Variants in DAB1 observed in about 807,000 individuals in gnomAD.
The protein encoded by DAB1 is DAB adaptor protein 1.
Under a neutral mutation model 64.6 loss-of-function variants are expected in DAB1, and 15 were observed. That is an observed-to-expected ratio of 0.23 (90% CI 0.16 to 0.36). The LOEUF (loss-of-function observed/expected upper bound fraction) is 0.36, where lower values mean the gene tolerates loss of function less well. DAB1 is among the 10% of genes least tolerant of loss of function. The probability of loss-of-function intolerance (pLI) is 1.00; values close to 1 mark genes in which losing one functional copy is unlikely to be tolerated. For synonymous variants in DAB1, 235 were observed against 251.9 expected (o/e 0.93, Z 0.64); for missense variants, 596 against 706.7 (o/e 0.84, Z 1.78).
chr1:57,090,170 G>A lies in DAB1; in HGVS notation c.307-17756C>T, dbSNP rs141628458. On this transcript the variant is annotated intron_variant, in intron 4 of 14. Transcript: ENST00000371236. ...AAATGAATAATAGGAAGTCTTCAGA[G>A]TGAAGCTTATCAAAGAGATGTGCTA... is the stretch of plus-strand genomic sequence containing the variant. 7.0e-4 allele frequency among the ~76,000 whole-genome samples: 106 copies of A among 152,306 alleles called. No individual in the cohort carries two copies. The East Asian group carries it at 0.017, about 24-fold the overall frequency.
At chr1:58,220,950 T>C (rs1659134286) in intron 4 of DAB1, among the ~76,000 whole-genome samples, 1 of 151,666 alleles carries the variant, frequency 6.6e-6, no homozygotes. Flanking sequence ...GGCATTATCA[T>C]TGTGATCATT....
At chr1:57,185,920 T>C (rs111933111) in intron 2 of DAB1, among the ~76,000 whole-genome samples, 2,611 of 151,998 alleles carry the variant, frequency 0.017, 90 homozygotes, top group African/African-American at 0.059. Flanking sequence ...AGCAGAACCG[T>C]GGACAATTTT....
At chr1:58,218,741 G>C (rs1658986476) in intron 4 of DAB1, among the ~76,000 whole-genome samples, 1 of 152,108 alleles carries the variant, frequency 6.6e-6, no homozygotes. Flanking sequence ...AATGCTCAAT[G>C]ACCACAACCT....
At chr1:57,013,898 C>A (rs1646340653) in intron 12 of DAB1, among the ~76,000 whole-genome samples, 1 of 152,170 alleles carries the variant, frequency 6.6e-6, no homozygotes, top group South Asian at 2.1e-4. Context: ...AAAGCTGGAA[C>A]TAGAAGGATG....
Position 58,488,605 on chromosome 1 carries a change from C to T in DAB1, n.257+17455G>A, listed in dbSNP as rs569569134. ...TAGCTGGGATTACAGGCATGAGCCACCATGTCTCGCTAATTTTTGTATTTT... is the reference window on the plus strand; with the variant it reads ...TAGCTGGGATTACAGGCATGAGCCATCATGTCTCGCTAATTTTTGTATTTT... On this transcript the variant is annotated intron_variant and non_coding_transcript_variant, in intron 3 of 20. Transcript: ENST00000485760. Among the ~76,000 whole-genome samples, 6 of 152,252 alleles carry T rather than the reference C, an allele frequency of 3.9e-5. No homozygotes were observed. In the East Asian group the frequency reaches 9.6e-4, roughly 24 times the overall value.
chr1:58,316,422 T>C (rs2100479760), intron 4 of DAB1, among the ~76,000 whole-genome samples: 1 of 152,276 alleles, frequency 6.6e-6, no homozygotes, highest in Non-Finnish European at 1.5e-5. Context: ...GTTCATTGAT[T>C]CAGCACTCAT....
intron 1 of DAB1, among the ~76,000 whole-genome samples, chr1:57,343,502 G>A (rs932133747): frequency 1.3e-5 from 2 of 152,228 alleles, no homozygotes; most frequent in Non-Finnish European, 2.9e-5. Flanking sequence ...GGAGCAGGGG[G>A]CTGCGCTCAT....
At chr1:57,132,184 C>G (rs758727651) in intron 4 of DAB1, among the ~76,000 whole-genome samples, 5 of 152,118 alleles carry the variant, frequency 3.3e-5, no homozygotes, top group African/African-American at 1.2e-4. Context: ...ACACTTGTAT[C>G]TGTATCACAC....
intron 5 of DAB1, among the ~76,000 whole-genome samples, chr1:57,982,368 T>C (rs1646087338): frequency 6.6e-6 from 1 of 152,212 alleles, no homozygotes; most frequent in South Asian, 2.1e-4. Context: ...GTCTAGCATA[T>C]ATTTGACATT....
intron 12 of DAB1, among the ~76,000 whole-genome samples, chr1:57,014,414 A>C (rs1000351164): frequency 6.6e-6 from 1 of 152,236 alleles, no homozygotes; most frequent in Non-Finnish European, 1.5e-5. Flanking sequence ...CTTGTTCCCC[A>C]AATTTTTAAA....
chr1:57,831,946 A>G (rs1652607716), intron 1 of DAB1, among the ~76,000 whole-genome samples: 1 of 152,220 alleles, frequency 6.6e-6, no homozygotes, highest in Non-Finnish European at 1.5e-5. Flanking sequence ...ACACACAGAC[A>G]TGGCTCTTCC....
chr1:57,820,720 G>T (rs1480154654), intron 6 of DAB1, among the ~76,000 whole-genome samples: 1 of 152,090 alleles, frequency 6.6e-6, no homozygotes, highest in Non-Finnish European at 1.5e-5. Context: ...CATCTATCCA[G>T]CTACTGAACA....
Position 57,862,984 on chromosome 1 carries a change from AC to A in DAB1, n.87+21014del, listed in dbSNP as rs369155436. On this transcript the variant is annotated intron_variant and non_coding_transcript_variant, in intron 1 of 1. Transcript: ENST00000477280. ...CCACATAAAGACTTGTGCACAAATGACCGTAGCAGCTTTGTGATAATTGCTA... is the reference window on the plus strand; with the variant it reads ...CCACATAAAGACTTGTGCACAAATGACGTAGCAGCTTTGTGATAATTGCTA... 1.4e-4 allele frequency: 22 copies of A among 152,306 alleles called. 2 individuals are homozygous for A. Among genetic ancestry groups the A allele is most frequent in the African/African-American group, 5.3e-4 (22 of 41,584 alleles). The allele number at this position is 152,306 out of a possible 1,614,324, so 9.4% of individuals were successfully genotyped here. A position where few individuals can be genotyped will look rare whatever the true frequency, so the allele number is the denominator to read the frequency against.
Position 58,499,816 on chromosome 1 carries a change from G to GA in DAB1, n.257+6243dup, listed in dbSNP as rs557876537. On this transcript the variant is annotated intron_variant and non_coding_transcript_variant, in intron 3 of 20. Coordinates refer to the DAB1 transcript ENST00000485760. ...TAAATAAAAAATAAACACTTGTATT[G>GA]AAAAAAAAACTGGCTATATTTATTC... Among the ~76,000 whole-genome samples, 532 of 148,800 alleles carry GA rather than the reference G, an allele frequency of 3.6e-3. 7 individuals are homozygous for GA. Among genetic ancestry groups the GA allele is most frequent in the East Asian group, 0.028 (145 of 5,106 alleles).
At chr1:57,230,685 A>ATG (rs1213266813) in intron 2 of DAB1, among the ~76,000 whole-genome samples, 2 of 151,968 alleles carry the variant, frequency 1.3e-5, no homozygotes, top group East Asian at 1.9e-4. Flanking sequence ...TTTGACACAT[A>ATG]TATATAATGT....
chr1:57,995,681 C>T (rs1425350489), intron 5 of DAB1, among the ~76,000 whole-genome samples: 1 of 152,110 alleles, frequency 6.6e-6, no homozygotes, highest in East Asian at 1.9e-4. Context: ...CAAACCTTTA[C>T]TCACAGCTAT....
At chr1:57,060,409 C>A (rs1377224470) in intron 9 of DAB1, among the ~76,000 whole-genome samples, 1 of 152,066 alleles carries the variant, frequency 6.6e-6, no homozygotes. Context: ...CTCGGCCTCC[C>A]AAAGTACTGG....
chr1:57,556,938 GA>G (rs1194628588), intron 7 of DAB1, among the ~76,000 whole-genome samples: 7 of 152,118 alleles, frequency 4.6e-5, no homozygotes. Flanking sequence ...GATCTATCTT[GA>G]GTTGATTTTT....
intron 4 of DAB1, among the ~76,000 whole-genome samples, chr1:58,287,404 G>A (rs1452307965): frequency 6.6e-6 from 1 of 152,156 alleles, no homozygotes; most frequent in African/African-American, 2.4e-5. Flanking sequence ...GCTCAGCTGG[G>A]TGGTTCTTTA....
Sources: allele counts gnomAD v4.1 joint callset (sites outside exome capture counted in the v4.1 genomes callset), GRCh38; gene constraint gnomAD v4.1.1; transcripts MANE v1.5; gene names NCBI Gene and HGNC (gene_info 2026-07-23, HGNC 2026-07-21).